HTT: variants seen among roughly 807,000 people sequenced by gnomAD.
HTT encodes the protein huntington disease protein.
A neutral mutation model predicts 362.3 loss-of-function variants in HTT; 104 were observed. The observed-to-expected ratio is 0.29, with a 90% CI of 0.24 to 0.34. HTT has a LOEUF of 0.34. Among genes scored for constraint, HTT ranks in the 10% least tolerant of loss-of-function variants. HTT has a pLI of 1.00. For synonymous variants in HTT, 1,577 were observed against 1,548.7 expected, an observed-to-expected ratio of 1.02 and a Z score of -0.43; for missense variants, 3,301 against 3,928.6, an observed-to-expected ratio of 0.84 and a Z score of 4.27.
Position 3,116,209 on chromosome 4 carries a change from C to A in HTT, c.1014C>A (p.Phe338Leu). 6.2e-7 allele frequency: 1 copy of A among 1,613,976 alleles called. No individual in the cohort carries two copies. The highest frequency in any genetic ancestry group is 8.5e-7 in the Non-Finnish European group (1 of 1,179,866). The change falls in exon 8 of 67, where the codon TTC becomes TTA. Residue 338 changes from phenylalanine (F) to leucine (L), a missense_variant. Around this residue, in one of 4 missense-constraint regions of HTT, gnomAD observed 2,316 missense variants for 2,658.5 expected, o/e 0.87. Transcript: ENST00000355072. ...QVKDTSLKGSFGVTRKEMEVS... is the reference protein window; with the variant it reads ...QVKDTSLKGSLGVTRKEMEVS... Reference sequence around the variant, plus strand: ...AGGACACAAGCCTGAAAGGCAGCTTCGGAGTGACAAGGAAAGAAATGGAAG... The same window carrying A: ...AGGACACAAGCCTGAAAGGCAGCTTAGGAGTGACAAGGAAAGAAATGGAAG...
At chr4:3,109,282 A>C (rs1357146269) in intron 6 of HTT, among the ~76,000 whole-genome samples, 1 of 151,772 alleles carries the variant, frequency 6.6e-6, no homozygotes, top group Non-Finnish European at 1.5e-5. Context: ...GCTGGAGTGC[A>C]ATGACGCAAT....
At chr4:3,180,732 C>CA in intron 36 of HTT, 81 bp downstream of exon 36, 1 of 1,227,686 alleles carries the variant, frequency 8.1e-7, no homozygotes, top group South Asian at 1.7e-5. Flanking sequence ...TGGTAACGCT[C>CA]ACTGTTAACT....
intron 29 of HTT, among the ~76,000 whole-genome samples, chr4:3,168,232 T>C (rs1003731301): frequency 2.0e-5 from 3 of 152,238 alleles, no homozygotes; most frequent in Admixed American, 6.5e-5. Context: ...ATACAAACTA[T>C]TGAGCCTTAT....
intron 52 of HTT, 55 bp from the exon 53 acceptor site, chr4:3,220,127 A>G (rs1260689892): frequency 1.9e-6 from 3 of 1,603,210 alleles, no homozygotes; most frequent in East Asian, 2.2e-5. Flanking sequence ...GCTTCCTCAC[A>G]GTATGTCTGT....
chr4:3,096,170 C>T (rs1713847263), intron 2 of HTT, among the ~76,000 whole-genome samples: 1 of 152,234 alleles, frequency 6.6e-6, no homozygotes, highest in African/African-American at 2.4e-5. Context: ...ATTCGTTCAT[C>T]AGCCTGGCAT....
At chr4:3,109,436 G>A (rs1217474168) in intron 6 of HTT, among the ~76,000 whole-genome samples, 1 of 152,078 alleles carries the variant, frequency 6.6e-6, no homozygotes, top group Non-Finnish European at 1.5e-5. Context: ...GGTTGGTCAG[G>A]CTGGTCTCGA....
At chr4:3,210,570 T>A (rs1720104011) in intron 47 of HTT, among the ~76,000 whole-genome samples, 1 of 151,990 alleles carries the variant, frequency 6.6e-6, no homozygotes. Context: ...AAAGCCTTGG[T>A]GTCCCTGTCC....
At chr4:3,135,050 A>G (rs1417413748) in intron 19 of HTT, among the ~76,000 whole-genome samples, 2 of 152,098 alleles carry the variant, frequency 1.3e-5, no homozygotes, top group East Asian at 3.9e-4. Flanking sequence ...GTAGAAGAGT[A>G]GATTTTTTTT....
chr4:3,186,823 C>T, intron 38 of HTT, 104 bp downstream of exon 38: 52 of 606,042 alleles, frequency 8.6e-5, no homozygotes, highest in South Asian at 2.5e-4. Flanking sequence ...TTGGGTAGGG[C>T]TTCTTGAGAG....
In HTT at chr4:3,232,052, T is replaced by C. The variant is rs111921198; in HGVS notation, c.8266-1111T>C. ...GTTTTGAGGTATTTGCCCACCGTTG[T>C]GAAATCCGTGCCACCCGAGAGCAGG... On this transcript the variant is annotated intron_variant, in intron 60 of 66. Transcript: ENST00000355072. Among the ~76,000 whole-genome samples the C allele has an allele frequency of 4.6e-5, 7 of 152,282 alleles. 1 individual carries two copies. Among genetic ancestry groups the C allele is most frequent in the African/African-American group, 1.7e-4 (7 of 41,564 alleles).
At chr4:3,131,511 T>A in intron 15 of HTT, 114 bp downstream of exon 15, 1 of 1,491,510 alleles carries the variant, frequency 6.7e-7, no homozygotes, top group South Asian at 1.1e-5. Flanking sequence ...TGAGGATGAG[T>A]TTGGTTTTCA....
chr4:3,219,042 A>G (rs1247783987), intron 52 of HTT, among the ~76,000 whole-genome samples: 2 of 152,210 alleles, frequency 1.3e-5, no homozygotes, highest in African/African-American at 4.8e-5. Context: ...GCCGCAGGGA[A>G]TGAAGGTATT....
chr4:3,116,536 C>T (rs758941058), intron 8 of HTT, among the ~76,000 whole-genome samples: 2 of 152,170 alleles, frequency 1.3e-5, no homozygotes, highest in Non-Finnish European at 2.9e-5. Flanking sequence ...CCAGAGGTCA[C>T]GATATGTGTT....
At chr4:3,078,717 C>T (rs1712703885) in intron 1 of HTT, among the ~76,000 whole-genome samples, 1 of 151,676 alleles carries the variant, frequency 6.6e-6, no homozygotes, top group Admixed American at 6.6e-5. Flanking sequence ...TATAGACATG[C>T]ACTGCCATGC....
intron 6 of HTT, among the ~76,000 whole-genome samples, chr4:3,108,033 A>C (rs1326120897): frequency 6.6e-6 from 1 of 152,192 alleles, no homozygotes; most frequent in African/African-American, 2.4e-5. Flanking sequence ...CTTGGATTAG[A>C]ATTCTGTCCT....
chr4:3,207,347 C>T lies in HTT; in HGVS notation c.6142C>T (p.Leu2048Phe), dbSNP rs1186086686. 6.2e-7 allele frequency: 1 copy of T among 1,612,322 alleles called. No homozygotes were observed. The highest frequency in any genetic ancestry group is 8.5e-7 in the Non-Finnish European group (1 of 1,178,972). The change falls in exon 45 of 67, where the codon CTC becomes TTC. Residue 2048 changes from leucine to phenylalanine, a missense_variant. By Grantham distance (22) the Leu-to-Phe change is conservative (BLOSUM62 0). Transcript: ENST00000355072. ...CCAGGAATACCTTCAGAGCAGCGGG[C>T]TCGCTCAGAGGTAATGCTGGAAACA... is the stretch of plus-strand genomic sequence containing the variant. ...RIQEYLQSSG[L>F]AQRHQRLYSL...
chr4:3,104,533 T>TG (rs1351005769), intron 4 of HTT, among the ~76,000 whole-genome samples: 4 of 151,840 alleles, frequency 2.6e-5, no homozygotes, highest in African/African-American at 9.7e-5. Flanking sequence ...CGCTTGAACC[T>TG]GGGGGTGGAG....
intron 54 of HTT, 118 bp downstream of exon 54, chr4:3,222,605 G>C: frequency 1.4e-6 from 1 of 719,530 alleles, no homozygotes; most frequent in Non-Finnish European, 2.3e-6. Context: ...CCTTATTTTT[G>C]AAAGAGTAGC....
At chr4:3,114,833 G>C (rs1268294031) in intron 6 of HTT, among the ~76,000 whole-genome samples, 1 of 152,160 alleles carries the variant, frequency 6.6e-6, no homozygotes, top group African/African-American at 2.4e-5. Flanking sequence ...GGTAGTATGC[G>C]GTCATGTCCA....
Sources: gnomAD v4.1 joint callset for allele counts (sites outside exome capture counted in the v4.1 genomes callset) on GRCh38, gnomAD v4.1.1 for gene constraint, gnomAD v4.1.1 regional missense constraint, MANE v1.5 for transcripts, NCBI Gene and HGNC (gene_info 2026-07-23, HGNC 2026-07-21) for gene names.